The following L2HGDH variants were observed in gnomAD, a reference collection of about 807,000 sequenced individuals.
The protein encoded by L2HGDH is L-2-hydroxyglutarate dehydrogenase, mitochondrial.
In L2HGDH, 34 loss-of-function variants were observed where a neutral mutation model predicts 51.5. That is an observed-to-expected ratio of 0.66 (90% CI 0.50 to 0.88). L2HGDH has a LOEUF of 0.88. Ranked by LOEUF, L2HGDH falls within the 40% of genes least tolerant of loss-of-function variation. The pLI is 0.00. For missense variants in L2HGDH, 558 were observed against 571.9 expected (o/e 0.98, Z 0.25); for synonymous variants, 198 against 197.9 (o/e 1.00, Z -0.01).
At chr14:50,310,095 C>T (rs1449274972) in intron 1 of L2HGDH, among the ~76,000 whole-genome samples, 2 of 152,060 alleles carry the variant, frequency 1.3e-5, no homozygotes, top group Non-Finnish European at 2.9e-5. Flanking sequence ...ATATGTAAAA[C>T]TGATGAAAGC....
chr14:50,291,829 C>T (rs1890900431), intron 4 of L2HGDH, among the ~76,000 whole-genome samples: 1 of 151,944 alleles, frequency 6.6e-6, no homozygotes, highest in Non-Finnish European at 1.5e-5. Context: ...TAGGATTAAA[C>T]ATTGGATCAA....
rs1358662813 is a variant in L2HGDH at position 50,243,662 on chromosome 14, T to TA, written c.*3395_*3396insT. On this transcript the variant is annotated 3_prime_UTR_variant, in exon 10 of 10. Coordinates refer to ENST00000267436, the MANE Select transcript of L2HGDH (RefSeq NM_024884.3). The stretch of plus-strand genomic sequence containing the variant: ...TTTTCATTTTTATTTTTCAGGGTAT[T>TA]TTATATATATATATATATATATATT... 10 of 140,570 alleles carry TA rather than the reference T, an allele frequency of 7.1e-5. No homozygotes were observed. Among genetic ancestry groups the TA allele is most frequent in the African/African-American group, 1.8e-4 (2 of 11,126 alleles). 8.7% of individuals were successfully genotyped at this position (140,570 alleles called of 1,614,324 possible).
intron 5 of L2HGDH, among the ~76,000 whole-genome samples, chr14:50,281,605 A>G (rs1489126627): frequency 2.0e-5 from 3 of 152,156 alleles, no homozygotes; most frequent in Non-Finnish European, 4.4e-5. Context: ...AAAAAATAAA[A>G]TAAATAAAAT....
chr14:50,311,769 G>T (rs143072075), intron 1 of L2HGDH, among the ~76,000 whole-genome samples: 134 of 152,298 alleles, frequency 8.8e-4, no homozygotes, highest in African/African-American at 3.2e-3. Flanking sequence ...AAAGTGGACG[G>T]GTTGTTCAAA....
At chr14:50,293,612 C>T (rs1053313367) in intron 4 of L2HGDH, among the ~76,000 whole-genome samples, 1 of 152,128 alleles carries the variant, frequency 6.6e-6, no homozygotes, top group Non-Finnish European at 1.5e-5. Context: ...ATGCTGCAAT[C>T]CCAGCACTTT....
At chr14:50,248,138 T>A (rs1194774793) in intron 9 of L2HGDH, among the ~76,000 whole-genome samples, 3 of 152,180 alleles carry the variant, frequency 2.0e-5, no homozygotes, top group African/African-American at 7.2e-5. Flanking sequence ...TTTATAACAT[T>A]TGAGCTCACA....
At chr14:50,278,444 G>A in intron 6 of L2HGDH, 76 bp downstream of exon 6, 1 of 898,350 alleles carries the variant, frequency 1.1e-6, no homozygotes, top group Non-Finnish European at 1.8e-6. Flanking sequence ...TTAAAATACA[G>A]CCCTGTGGGT....
chr14:50,256,620 A>T (rs1018137674), intron 9 of L2HGDH, among the ~76,000 whole-genome samples: 6 of 152,048 alleles, frequency 3.9e-5, no homozygotes, highest in Non-Finnish European at 8.8e-5. Flanking sequence ...CATTTACTGT[A>T]ATTACTGATA....
intron 3 of L2HGDH, among the ~76,000 whole-genome samples, chr14:50,298,495 A>G (rs2030210844): frequency 6.6e-6 from 1 of 151,866 alleles, no homozygotes; most frequent in Non-Finnish European, 1.5e-5. Flanking sequence ...TTGTATTTTT[A>G]GTAGAGATGG....
chr14:50,311,751 T>C (rs1165631751), intron 1 of L2HGDH, among the ~76,000 whole-genome samples: 3 of 151,566 alleles, frequency 2.0e-5, no homozygotes, highest in Non-Finnish European at 4.4e-5. Flanking sequence ...TAGCCCAGAG[T>C]TCAACAGAAA....
At chr14:50,302,291 TG>T in intron 2 of L2HGDH, 123 bp from the exon 3 acceptor site, 1 of 1,006,792 alleles carries the variant, frequency 9.9e-7, no homozygotes, top group Non-Finnish European at 1.6e-6. Flanking sequence ...TGCCTGAATT[TG>T]TTCAGATCAC....
At position 50,243,576 on chromosome 14, in the gene L2HGDH, C is replaced by A. The variant is rs1383947327; in HGVS notation, c.*3482G>T. On this transcript the variant is annotated 3_prime_UTR_variant, in exon 10 of 10. Transcript: ENST00000267436. ...GTATTAAACAAAAAAACCCTATTGA[C>A]ATACATATAAAACGTTTTACAAGCA... 1.2e-6 allele frequency: 1 copy of A among 801,746 alleles called. No individual in the cohort carries two copies. Among genetic ancestry groups the A allele is most frequent in the African/African-American group, 1.9e-5 (1 of 53,688 alleles). The allele number at this position is 801,746 out of a possible 1,614,324, so 49.7% of individuals were successfully genotyped here.
In L2HGDH at chr14:50,258,813, C is replaced by T. The variant is rs1358203668; in HGVS notation, c.1196+6545G>A. Among the ~76,000 whole-genome samples the T allele has an allele frequency of 2.6e-5, 4 of 151,334 alleles. No homozygotes were observed. The East Asian group carries it at 5.8e-4, about 22-fold the overall frequency. On this transcript the variant is annotated intron_variant, in intron 9 of 9. Transcript: ENST00000267436. ...CAGGCGTGAGCCCATGGTGCCTGACCTATTTATTTTAGTATTTTATAATTT... is the reference window on the plus strand; with the variant it reads ...CAGGCGTGAGCCCATGGTGCCTGACTTATTTATTTTAGTATTTTATAATTT...
Position 50,242,434 on chromosome 14 carries a change from TTAAAA to T in L2HGDH, c.*4619_*4623del, listed in dbSNP as rs1290518157. 29 of 982,796 alleles carry T rather than the reference TTAAAA, an allele frequency of 3.0e-5. No homozygotes were observed. The highest frequency in any genetic ancestry group is 7.0e-5 in the African/African-American group (4 of 57,164). The allele number at this position is 982,796 out of a possible 1,614,324, so 60.9% of individuals were successfully genotyped here. A position where few individuals can be genotyped will look rare whatever the true frequency, so the allele number is the denominator to read the frequency against. On this transcript the variant is annotated 3_prime_UTR_variant, in exon 10 of 10. Transcript: ENST00000267436. ...ATTTTATCCCAGGGACAAAAGAAAC[TTAAAA>T]TAAGATAACTTTAATGTGAGATCCT...
chr14:50,265,737 A>G (rs943036738), intron 8 of L2HGDH, among the ~76,000 whole-genome samples: 1 of 152,054 alleles, frequency 6.6e-6, no homozygotes, highest in Admixed American at 6.6e-5. Flanking sequence ...AACATGGCAA[A>G]ACACTGTCTC....
At chr14:50,269,058 C>A in intron 7 of L2HGDH, 105 bp downstream of exon 7, 10 of 897,424 alleles carry the variant, frequency 1.1e-5, no homozygotes, top group African/African-American at 1.7e-5. Context: ...AAAAACGGTC[C>A]TTCAAAATTT....
chr14:50,273,136 G>C (rs1889793407), intron 6 of L2HGDH, among the ~76,000 whole-genome samples: 1 of 150,816 alleles, frequency 6.6e-6, no homozygotes, highest in Non-Finnish European at 1.5e-5. Flanking sequence ...GACAGGGAAA[G>C]GACCTCTGGA....
At chr14:50,261,421 A>G (rs1889014434) in intron 9 of L2HGDH, among the ~76,000 whole-genome samples, 1 of 152,236 alleles carries the variant, frequency 6.6e-6, no homozygotes, top group South Asian at 2.1e-4. Context: ...CAGTGCTAAC[A>G]GATACAAACT....
At chr14:50,265,674 G>A (rs1371324754) in intron 8 of L2HGDH, among the ~76,000 whole-genome samples, 185 bp from the exon 9 acceptor site, 1 of 152,222 alleles carries the variant, frequency 6.6e-6, no homozygotes, top group East Asian at 1.9e-4. Context: ...AACACTTTGG[G>A]AGGTCAAGGC....
Sources: gnomAD v4.1 joint callset for allele counts (sites outside exome capture counted in the v4.1 genomes callset) on GRCh38, gnomAD v4.1.1 for gene constraint, MANE v1.5 for transcripts, NCBI Gene and HGNC (gene_info 2026-07-23, HGNC 2026-07-21) for gene names.